Variants in DSCAM observed in about 807,000 individuals in gnomAD.
The protein encoded by DSCAM is cell adhesion molecule DSCAM.
A neutral mutation model predicts 217.7 loss-of-function variants in DSCAM; 47 were observed. The observed-to-expected ratio is 0.22, with a 90% CI of 0.17 to 0.28. The LOEUF (loss-of-function observed/expected upper bound fraction) is 0.28. Ranked by LOEUF, DSCAM falls within the 10% of genes least tolerant of loss-of-function variation. The pLI, the probability that DSCAM is intolerant of heterozygous loss-of-function variation, is 1.00. For synonymous variants in DSCAM, 1,056 were observed against 1,015.3 expected (o/e 1.04, Z -0.76); for missense variants, 2,080 against 2,618.3 (o/e 0.79, Z 4.49).
At chr21:40,169,734 A>G (rs1324872656) in intron 15 of DSCAM, among the ~76,000 whole-genome samples, 1 of 152,146 alleles carries the variant, frequency 6.6e-6, no homozygotes, top group Non-Finnish European at 1.5e-5. Flanking sequence ...AAAGGTGTTA[A>G]AAGACAAGAG....
At chr21:40,116,481 G>GT (rs1176039897) in intron 20 of DSCAM, among the ~76,000 whole-genome samples, 3 of 152,042 alleles carry the variant, frequency 2.0e-5, no homozygotes, top group Admixed American at 6.6e-5. Context: ...ACCCTTCGAG[G>GT]TTTTTTCCAG....
intron 1 of DSCAM, among the ~76,000 whole-genome samples, chr21:40,718,666 A>T (rs1455837291): frequency 6.6e-6 from 1 of 152,256 alleles, no homozygotes; most frequent in African/African-American, 2.4e-5. Flanking sequence ...GGGTGAGGGC[A>T]CAGCCAAGGC....
At chr21:40,663,269 G>T (rs539413099) in intron 3 of DSCAM, among the ~76,000 whole-genome samples, 110 of 34,780 alleles carry the variant, frequency 3.2e-3, no homozygotes, top group African/African-American at 0.016. Context: ...TGTGTGTGTG[G>T]GGGGGGTGTA....
chr21:40,654,181 T>C (rs1424416713), intron 3 of DSCAM, among the ~76,000 whole-genome samples: 1 of 152,116 alleles, frequency 6.6e-6, no homozygotes, highest in Non-Finnish European at 1.5e-5. Context: ...CAATCACCAA[T>C]ACGATATTAC....
At chr21:40,462,580 G>A (rs1006006343) in intron 3 of DSCAM, among the ~76,000 whole-genome samples, 3 of 152,154 alleles carry the variant, frequency 2.0e-5, no homozygotes, top group African/African-American at 7.2e-5. Flanking sequence ...CAGGGGAGGT[G>A]GCAATAAAGA....
intron 3 of DSCAM, among the ~76,000 whole-genome samples, chr21:40,659,503 C>T (rs1337633143): frequency 2.0e-5 from 3 of 151,766 alleles, no homozygotes; most frequent in Admixed American, 2.0e-4. Flanking sequence ...TATCTATTAT[C>T]TATCTATCTA....
chr21:40,736,369 T>C (rs1437558984), intron 1 of DSCAM, among the ~76,000 whole-genome samples: 1 of 152,070 alleles, frequency 6.6e-6, no homozygotes, highest in Admixed American at 6.6e-5. Context: ...CTCTTCTCTC[T>C]CCAAAAGTCA....
intron 23 of DSCAM, 131 bp downstream of exon 23, chr21:40,085,466 GTTTTC>G: frequency 1.3e-6 from 1 of 775,250 alleles, no homozygotes; most frequent in Non-Finnish European, 1.8e-6. Flanking sequence ...ATGAACATGT[GTTTTC>G]TTTTTCTGTA....
intron 20 of DSCAM, among the ~76,000 whole-genome samples, chr21:40,117,472 G>A (rs1279568084): frequency 1.3e-5 from 2 of 152,184 alleles, no homozygotes; most frequent in Non-Finnish European, 2.9e-5. Flanking sequence ...TAACCTGCGT[G>A]ACCCTGGCCA....
chr21:40,571,642 CTTA>C (rs1158787358), intron 3 of DSCAM, among the ~76,000 whole-genome samples: 1 of 152,168 alleles, frequency 6.6e-6, no homozygotes, highest in Non-Finnish European at 1.5e-5. Context: ...AAAGGACCTA[CTTA>C]TTATATTTAA....
At position 40,792,073 on chromosome 21, in the gene DSCAM, C is replaced by T. The variant is rs560385678; in HGVS notation, c.43+54546G>A. Reference sequence around the variant, plus strand: ...CTGAGGTTTATATATGGTCGTCTTCCTCCGCACGTCTTCACATGGCCATCC... The same window carrying T: ...CTGAGGTTTATATATGGTCGTCTTCTTCCGCACGTCTTCACATGGCCATCC... On this transcript the variant is annotated intron_variant, in intron 1 of 32. Transcript: ENST00000400454. Among the ~76,000 whole-genome samples the T allele has an allele frequency of 2.6e-5, 4 of 151,462 alleles. No homozygotes were observed. The South Asian group carries it at 6.3e-4, about 24-fold the overall frequency.
rs147501458 is a variant in DSCAM at position 40,131,489 on chromosome 21, G to A, written c.3562+2365C>T. ...CACCCAGGCTGGAGTGCAGTTGCAC[G>A]ATCTCAGCTCACTGCAGCCTCTGCC... On this transcript the variant is annotated intron_variant, in intron 19 of 32. Transcript: ENST00000400454. 9.3e-3 allele frequency among the ~76,000 whole-genome samples: 1,417 copies of A among 152,138 alleles called. 3 individuals carry two copies. The highest frequency in any genetic ancestry group is 0.016 in the Non-Finnish European group (1,060 of 68,006).
At chr21:40,564,893 G>A (rs1017975795) in intron 3 of DSCAM, among the ~76,000 whole-genome samples, 2 of 152,124 alleles carry the variant, frequency 1.3e-5, no homozygotes, top group Non-Finnish European at 2.9e-5. Flanking sequence ...AAGGTGTGCT[G>A]TACAGACCTA....
chr21:40,508,748 TA>T, intron 3 of DSCAM, among the ~76,000 whole-genome samples: 1 of 2,646 alleles, frequency 3.8e-4, no homozygotes, highest in East Asian at 4.9e-3. Context: ...TATATATATA[TA>T]TATATATATA....
chr21:40,523,075 C>A (rs1320387989), intron 3 of DSCAM, among the ~76,000 whole-genome samples: 1 of 152,188 alleles, frequency 6.6e-6, no homozygotes, highest in Non-Finnish European at 1.5e-5. Flanking sequence ...ATTGGAGTTT[C>A]CTATTGAGTA....
intron 3 of DSCAM, among the ~76,000 whole-genome samples, chr21:40,663,883 C>CCAAGACTTGAT: frequency 6.6e-6 from 1 of 152,062 alleles, no homozygotes; most frequent in East Asian, 1.9e-4. Flanking sequence ...TTTTTGATTT[C>CCAAGACTTGAT]TGTTTGTCAC....
chr21:40,216,284 T>A (rs78783940), intron 11 of DSCAM, among the ~76,000 whole-genome samples: 4 of 137,660 alleles, frequency 2.9e-5, no homozygotes, highest in South Asian at 4.5e-4. Context: ...AAAAAAAAAA[T>A]TTTTTTTTTT....
At chr21:40,834,713 G>A (rs1355932177) in intron 1 of DSCAM, among the ~76,000 whole-genome samples, 3 of 152,090 alleles carry the variant, frequency 2.0e-5, no homozygotes, top group African/African-American at 4.8e-5. Flanking sequence ...TCACAGCAAT[G>A]TCTTCCACCT....
At chr21:40,490,897 A>G (rs2076071264) in intron 3 of DSCAM, among the ~76,000 whole-genome samples, 1 of 152,198 alleles carries the variant, frequency 6.6e-6, no homozygotes, top group Non-Finnish European at 1.5e-5. Context: ...AAATTGCCAA[A>G]CTTTGGCAAA....
Sources: gnomAD v4.1 joint callset for allele counts (sites outside exome capture counted in the v4.1 genomes callset) on GRCh38, gnomAD v4.1.1 for gene constraint, MANE v1.5 for transcripts, NCBI Gene and HGNC (gene_info 2026-07-23, HGNC 2026-07-21) for gene names.